The following ELP3 variants were observed in gnomAD, a reference collection of about 807,000 sequenced individuals.
ELP3 encodes the protein elongator complex protein 3.
ELP3 carries 56 observed loss-of-function variants against 74.9 expected under a neutral mutation model. The observed-to-expected ratio is 0.75, with a 90% CI of 0.60 to 0.93. The LOEUF is 0.93. ELP3 is among the 40% of genes least tolerant of loss of function. The pLI, the probability that ELP3 is intolerant of heterozygous loss-of-function variation, is 0.00. For missense variants in ELP3, 573 were observed against 686.5 expected, an observed-to-expected ratio of 0.83 and a Z score of 1.85; for synonymous variants, 222 against 239.8, an observed-to-expected ratio of 0.93 and a Z score of 0.68.
intron 10 of ELP3, among the ~76,000 whole-genome samples, chr8:28,141,171 A>C (rs909345868): frequency 6.6e-6 from 1 of 152,204 alleles, no homozygotes; most frequent in Admixed American, 6.5e-5. Flanking sequence ...GAAAGAGAAT[A>C]ACCTAATAGT....
intron 3 of ELP3, among the ~76,000 whole-genome samples, chr8:28,102,031 CTA>C (rs1811509886): frequency 1.3e-5 from 2 of 152,158 alleles, no homozygotes; most frequent in Non-Finnish European, 2.9e-5. Context: ...CATTTCTGTC[CTA>C]TCTTGGCTAC....
rs1488972726 is a variant in ELP3 at position 28,155,079 on chromosome 8, GAA to G, written c.1101-860_1101-859del. ...TTGAAGGGATAAGTGAAAAGAGGAGGAAAAGACTCAAGTTGATTCAAAAGCAA... is the reference window on the plus strand; with the variant it reads ...TTGAAGGGATAAGTGAAAAGAGGAGGAAGACTCAAGTTGATTCAAAAGCAA... On this transcript the variant is annotated intron_variant, in intron 10 of 14. Coordinates refer to ENST00000256398, the MANE Select transcript of ELP3 (RefSeq NM_018091.6). Among the ~76,000 whole-genome samples, 4 of 152,164 alleles carry G rather than the reference GAA, an allele frequency of 2.6e-5. No individual in the cohort carries two copies. The East Asian group carries it at 7.7e-4, about 29-fold the overall frequency.
upstream of ELP3, chr8:28,093,026 T>C: frequency 1.1e-6 from 1 of 932,058 alleles, no homozygotes; most frequent in Middle Eastern, 2.1e-4. Context: ...ACGGGCCGCC[T>C]GCTACCCTGT....
At chr8:28,114,865 G>T (rs1006981286) in intron 7 of ELP3, among the ~76,000 whole-genome samples, 8 of 152,290 alleles carry the variant, frequency 5.3e-5, no homozygotes, top group Admixed American at 4.6e-4. Flanking sequence ...AACAGGTAGG[G>T]TCATTCCGGC....
chr8:28,150,308 CTCTTTATG>C (rs1813593198), intron 10 of ELP3, among the ~76,000 whole-genome samples: 1 of 152,160 alleles, frequency 6.6e-6, no homozygotes, highest in Admixed American at 6.5e-5. Flanking sequence ...TTCAACATTT[CTCTTTATG>C]TAGGTCTGAG....
intron 10 of ELP3, among the ~76,000 whole-genome samples, chr8:28,155,649 G>A (rs1333700760): frequency 6.6e-6 from 1 of 152,132 alleles, no homozygotes. Context: ...TTTACAAATG[G>A]TTATTGGGCA....
intron 3 of ELP3, among the ~76,000 whole-genome samples, chr8:28,105,710 C>T (rs76959345): frequency 6.5e-4 from 99 of 152,318 alleles, no homozygotes; most frequent in African/African-American, 2.4e-3. Flanking sequence ...CCTTTAATTC[C>T]ACCCAGCCCA....
intron 14 of ELP3, among the ~76,000 whole-genome samples, chr8:28,187,744 A>C (rs1563296281): frequency 1.3e-5 from 2 of 152,096 alleles, no homozygotes; most frequent in African/African-American, 2.4e-5. Flanking sequence ...ACAGAGAGGG[A>C]GCTTCCTGCG....
At chr8:28,186,760 C>G (rs1280964467) in intron 14 of ELP3, among the ~76,000 whole-genome samples, 2 of 152,162 alleles carry the variant, frequency 1.3e-5, no homozygotes, top group African/African-American at 4.8e-5. Context: ...CTTGTAAAAC[C>G]ACTAGAACTC....
At chr8:28,116,427 A>C (rs558938770) in intron 7 of ELP3, among the ~76,000 whole-genome samples, 1 of 152,280 alleles carries the variant, frequency 6.6e-6, no homozygotes, top group East Asian at 1.9e-4. Flanking sequence ...TGGCGACTGC[A>C]TTGTTACTGC....
Position 28,101,643 on chromosome 8 carries a change from A to G in ELP3, c.258+1677A>G, listed in dbSNP as rs180804582. 8.0e-4 allele frequency among the ~76,000 whole-genome samples: 120 copies of G among 149,236 alleles called. 1 individual carries two copies. In the East Asian group the frequency reaches 0.018, roughly 23 times the overall value. On this transcript the variant is annotated intron_variant, in intron 3 of 14. Coordinates refer to ENST00000256398, the MANE Select transcript of ELP3 (RefSeq NM_018091.6). ...CTTGTTCTGTTGCCCAGGCAGGAGT[A>G]CAGTGGTACGATCTTGGCTCACTGC...
In ELP3 at chr8:28,161,994, C is replaced by T; in HGVS notation, c.1486-3C>T. On this transcript the variant is annotated splice_polypyrimidine_tract_variant and splice_region_variant and intron_variant, in intron 13 of 14. Coordinates refer to ENST00000256398, the MANE Select transcript of ELP3 (RefSeq NM_018091.6). ...TCCCACTCCCCATTGTTGCTCCGTG[C>T]AGGGATTTGGCATGCTGCTGATGGA... 6.2e-7 allele frequency: 1 copy of T among 1,614,068 alleles called. No individual in the cohort carries two copies.
At chr8:28,163,357 A>T (rs1004577786) in intron 14 of ELP3, among the ~76,000 whole-genome samples, 1 of 152,192 alleles carries the variant, frequency 6.6e-6, no homozygotes, top group African/African-American at 2.4e-5. Context: ...TGAAAATGAA[A>T]GTTGAAATGA....
Position 28,157,054 on chromosome 8 carries a change from G to T in ELP3, c.1191+1022G>T, listed in dbSNP as rs149565021. ...TCCTCTCGCCTCCAAGAAGGCCACT[G>T]ACCTTCAAGAAGGCCAAGGTGACTG... is the stretch of plus-strand genomic sequence containing the variant. On this transcript the variant is annotated intron_variant, in intron 11 of 14. Transcript: ENST00000256398. Among the ~76,000 whole-genome samples the T allele has an allele frequency of 2.4e-3, 368 of 152,192 alleles. 1 individual carries two copies. Among genetic ancestry groups the T allele is most frequent in the African/African-American group, 8.5e-3 (352 of 41,530 alleles).
intron 1 of ELP3, chr8:28,093,455 C>G (rs1811126696): frequency 1.6e-6 from 1 of 607,874 alleles, no homozygotes; most frequent in Admixed American, 3.1e-5. Flanking sequence ...TTGGCAGTCA[C>G]GTGGTGTCTT....
chr8:28,148,444 A>T (rs141807606), intron 10 of ELP3, among the ~76,000 whole-genome samples: 47 of 152,248 alleles, frequency 3.1e-4, no homozygotes, highest in African/African-American at 1.1e-3. Flanking sequence ...TCACTGAGAC[A>T]GGGCATCATT....
chr8:28,097,106 C>A, intron 1 of ELP3, 113 bp from the exon 2 acceptor site: 1 of 636,012 alleles, frequency 1.6e-6, no homozygotes, highest in Non-Finnish European at 2.8e-6. Flanking sequence ...TGAACTTGAG[C>A]TATTCATTTG....
chr8:28,158,156 G>A (rs1411380838), intron 11 of ELP3, among the ~76,000 whole-genome samples: 1 of 151,522 alleles, frequency 6.6e-6, no homozygotes, highest in African/African-American at 2.4e-5. Context: ...TAAAATGGAG[G>A]TTTTAAACAT....
chr8:28,190,620 A>T lies in ELP3; in HGVS notation c.*895A>T, dbSNP rs1815425349. On this transcript the variant is annotated 3_prime_UTR_variant, in exon 15 of 15. Coordinates refer to ENST00000256398, the MANE Select transcript of ELP3 (RefSeq NM_018091.6). ...AGTCTCGCTGTGTCACCCAGGCTGGAGTGCAGTGGCGCAATCTCACTGCAT... is the reference window on the plus strand; with the variant it reads ...AGTCTCGCTGTGTCACCCAGGCTGGTGTGCAGTGGCGCAATCTCACTGCAT... The T allele has an allele frequency of 6.7e-6, 1 of 150,364 alleles. No homozygotes were observed. Among genetic ancestry groups the T allele is most frequent in the Non-Finnish European group, 1.5e-5 (1 of 67,830 alleles). 9.3% of individuals were successfully genotyped at this position (150,364 alleles called of 1,614,324 possible).
Sources: gnomAD v4.1 joint callset for allele counts (sites outside exome capture counted in the v4.1 genomes callset) on GRCh38, gnomAD v4.1.1 for gene constraint, MANE v1.5 for transcripts, NCBI Gene and HGNC (gene_info 2026-07-23, HGNC 2026-07-21) for gene names.